TRPM2: variants seen among roughly 807,000 people sequenced by gnomAD.
TRPM2 encodes transient receptor potential cation channel subfamily M member 2.
A neutral mutation model predicts 174.0 loss-of-function variants in TRPM2; 161 were observed. The ratio of observed to expected loss-of-function variants is 0.93; its 90% CI spans 0.81 to 1.05. The LOEUF is 1.05. TRPM2 is among the 50% of genes least tolerant of loss of function. The pLI is 0.00. For synonymous variants in TRPM2, 954 were observed against 861.3 expected (o/e 1.11, Z -1.88); for missense variants, 2,057 against 2,038.0 (o/e 1.01, Z -0.18).
intron 19 of TRPM2, among the ~76,000 whole-genome samples, chr21:44,411,542 C>T (rs2050107245): frequency 6.6e-6 from 1 of 152,112 alleles, no homozygotes; most frequent in Admixed American, 6.5e-5. Context: ...GAGAGTTTTA[C>T]TTGTTCCTTT....
In TRPM2 at chr21:44,405,162, G is replaced by A. The variant is rs759243300; in HGVS notation, c.2559G>A (p.Glu853=). The change falls in exon 17 of 32, where the codon GAG becomes GAA. Residue 853 remains glutamate (E), a synonymous_variant. Transcript: ENST00000397928. ...EMRQLFYDPD[E]CGLMKKAALY... ...AGTAGCTCTTCTATGACCCTGACGA[G>A]TGCGGGCTGATGAAGAAGGCAGCCT... is the stretch of plus-strand genomic sequence containing the variant. 1.9e-5 allele frequency: 31 copies of A among 1,613,508 alleles called. No homozygotes were observed. Among genetic ancestry groups the A allele is most frequent in the Non-Finnish European group, 2.5e-5 (30 of 1,179,936 alleles).
At chr21:44,407,151 C>T (rs115992398) in intron 19 of TRPM2, among the ~76,000 whole-genome samples, 4 of 492 alleles carry the variant, frequency 8.1e-3, no homozygotes, top group African/African-American at 0.025. Flanking sequence ...TCCTCCCTTC[C>T]TTCCTTCCAT....
intron 27 of TRPM2, among the ~76,000 whole-genome samples, chr21:44,427,496 G>A (rs936876927): frequency 1.3e-5 from 2 of 152,178 alleles, no homozygotes; most frequent in Non-Finnish European, 2.9e-5. Flanking sequence ...AGGTGGCCTC[G>A]CCTGGCATCC....
intron 27 of TRPM2, among the ~76,000 whole-genome samples, chr21:44,428,576 G>A (rs1344877404): frequency 1.4e-5 from 2 of 146,634 alleles, no homozygotes; most frequent in Non-Finnish European, 3.0e-5. Flanking sequence ...CCTCCCTGAG[G>A]TGTGACTCCT....
chr21:44,351,344 C>T (rs991180413), upstream of TRPM2, among the ~76,000 whole-genome samples: 1 of 152,240 alleles, frequency 6.6e-6, no homozygotes, highest in South Asian at 2.1e-4. Flanking sequence ...GTAGGGAATG[C>T]TGCCCCAACC....
chr21:44,375,782 G>T, intron 5 of TRPM2, 51 bp from the exon 6 acceptor site: 1 of 1,563,618 alleles, frequency 6.4e-7, no homozygotes, highest in Non-Finnish European at 8.7e-7. Context: ...GCTCGCGTTA[G>T]AGAGGCAGAG....
chr21:44,424,522 G>A (rs547935613), intron 23 of TRPM2, among the ~76,000 whole-genome samples: 58 of 152,354 alleles, frequency 3.8e-4, no homozygotes, highest in African/African-American at 1.3e-3. Context: ...TCCCTGTGGT[G>A]CAGAATTGCC....
At chr21:44,414,580 T>C in intron 20 of TRPM2, 1 of 154,792 alleles carries the variant, frequency 6.5e-6, no homozygotes, top group South Asian at 2.0e-4. Context: ...GCCAATACTA[T>C]GACACCAGGT....
intron 2 of TRPM2, among the ~76,000 whole-genome samples, chr21:44,358,346 C>A (rs999360599): frequency 1.3e-5 from 2 of 151,788 alleles, no homozygotes; most frequent in Admixed American, 6.6e-5. Flanking sequence ...TCAGAATTCA[C>A]GCGCACATGC....
rs1345015229 is a variant in TRPM2 at position 44,421,595 on chromosome 21, A to AC, written c.3462-2045dup. Among the ~76,000 whole-genome samples the AC allele has an allele frequency of 2.0e-4, 31 of 151,778 alleles. No individual in the cohort carries two copies. The East Asian group carries it at 4.1e-3, about 20-fold the overall frequency. On this transcript the variant is annotated intron_variant, in intron 22 of 31. Transcript: ENST00000397928. ...AGACCAACCTAGGCAACATAGTGAG[A>AC]CCCCCATCTCTACAAAAAATAAAAA...
intron 6 of TRPM2, 44 bp from the exon 7 acceptor site, chr21:44,377,668 C>T (rs375207126): frequency 6.2e-7 from 1 of 1,611,148 alleles, no homozygotes; most frequent in East Asian, 2.2e-5. Context: ...CGGCTCCGTG[C>T]TTTGTTTAGG....
chr21:44,386,235 A>G (rs1255674252), intron 9 of TRPM2, among the ~76,000 whole-genome samples: 1 of 152,160 alleles, frequency 6.6e-6, no homozygotes, highest in Non-Finnish European at 1.5e-5. Flanking sequence ...AATACAAAAA[A>G]TTAGCTGGGC....
chr21:44,406,915 T>G, intron 19 of TRPM2, 150 bp downstream of exon 19: 2 of 1,070,760 alleles, frequency 1.9e-6, no homozygotes, highest in Non-Finnish European at 2.6e-6. Context: ...GGGCATTCAT[T>G]CCCCAGCTCC....
At chr21:44,419,768 TGGTG>T in intron 22 of TRPM2, among the ~76,000 whole-genome samples, 1 of 151,566 alleles carries the variant, frequency 6.6e-6, no homozygotes, top group Non-Finnish European at 1.5e-5. Context: ...GTGGTGGTGG[TGGTG>T]GTGGTGATGG....
rs1282126929 is a variant in TRPM2 at position 44,399,349 on chromosome 21, A to C, written c.2116A>C (p.Thr706Pro). ...KDEERAQKLL[T>P]RVSEAWGKTT... ...CGAAGAGAGAGCCCAGAAACTGCTC[A>C]CCCGCGTGTCCGAGGCCTGGGGGAA... Residue 706 changes from threonine to proline, a missense_variant, in exon 14 of 32, where the codon ACC (threonine) becomes CCC (proline). By Grantham distance (38) the Thr-to-Pro change is conservative. Coordinates refer to ENST00000397928, the MANE Select transcript of TRPM2 (RefSeq NM_003307.4). This position sits in a 1 kb window ranked among gnomAD's most constrained non-coding sequence, Gnocchi z 4.6. 3 of 1,612,552 alleles carry C rather than the reference A, an allele frequency of 1.9e-6. No individual in the cohort carries two copies. The highest frequency in any genetic ancestry group is 2.5e-6 in the Non-Finnish European group (3 of 1,179,838).
Position 44,379,072 on chromosome 21 carries a change from G to T in TRPM2, c.1090G>T (p.Ala364Ser). The change falls in exon 8 of 32, where the codon GCC (alanine) becomes TCC (serine). Residue 364 changes from alanine to serine, a missense_variant. Ala to Ser is a moderately conservative substitution (Grantham distance 99). Transcript: ENST00000397928. The part of the protein sequence containing the change: ...EGSGRVADVI[A>S]QVANLPVSDI... ...CTCGGGCCGCGTGGCCGACGTCATT[G>T]CCCAGGTGGCCAACCTGCCTGTCTC... The T allele has an allele frequency of 6.2e-7, 1 of 1,612,684 alleles. No individual in the cohort carries two copies. The highest frequency in any genetic ancestry group is 8.5e-7 in the Non-Finnish European group (1 of 1,179,992).
chr21:44,364,014 G>A, intron 2 of TRPM2, 100 bp from the exon 3 acceptor site: 1 of 1,315,580 alleles, frequency 7.6e-7, no homozygotes, highest in African/African-American at 1.5e-5. Context: ...TTTGCTGGGT[G>A]GGGGAAGGTT....
chr21:44,419,814 A>AGTG (rs1177948490), intron 22 of TRPM2, among the ~76,000 whole-genome samples: 1 of 112,554 alleles, frequency 8.9e-6, no homozygotes, highest in Non-Finnish European at 1.9e-5. Flanking sequence ...TGATGTTGGC[A>AGTG]GTGGTGGTGG....
chr21:44,437,304 C>A (rs1004959122), intron 29 of TRPM2, 137 bp downstream of exon 29: 3 of 726,256 alleles, frequency 4.1e-6, no homozygotes, highest in Non-Finnish European at 6.9e-6. Context: ...GTTCGAGACC[C>A]CGCCTGTTTT....
Sources: allele counts gnomAD v4.1 joint callset (sites outside exome capture counted in the v4.1 genomes callset), GRCh38; gene constraint gnomAD v4.1.1; non-coding constraint Gnocchi (gnomAD v3.1); transcripts MANE v1.5; gene names NCBI Gene and HGNC (gene_info 2026-07-23, HGNC 2026-07-21).